Variants in LY75 observed in about 807,000 individuals in gnomAD.
LY75 encodes lymphocyte antigen 75.
LY75 carries 185 observed loss-of-function variants against 231.7 expected under a neutral mutation model. The ratio of observed to expected loss-of-function variants is 0.80; its 90% confidence interval spans 0.71 to 0.90. The LOEUF (loss-of-function observed/expected upper bound fraction) is 0.90, where lower values mean the gene tolerates loss of function less well. Ranked by LOEUF, LY75 falls within the 40% of genes least tolerant of loss-of-function variation. LY75 has a pLI of 0.00. For missense variants in LY75, 1,947 were observed against 2,050.2 expected, an observed-to-expected ratio of 0.95 and a Z score of 0.97; for synonymous variants, 668 against 689.0, an observed-to-expected ratio of 0.97 and a Z score of 0.48.
intron 1 of LY75, chr2:159,903,232 T>C (rs1686132929): frequency 2.0e-5 from 3 of 152,088 alleles, no homozygotes; most frequent in East Asian, 1.9e-4. Flanking sequence ...ATTGCAGAGA[T>C]TGCAAGAATT....
At chr2:159,863,645 T>C (rs1011812417) in intron 14 of LY75, among the ~76,000 whole-genome samples, 1 of 152,172 alleles carries the variant, frequency 6.6e-6, no homozygotes, top group Non-Finnish European at 1.5e-5. Flanking sequence ...AAAATCAGAT[T>C]GTTTTCTTGC....
chr2:159,856,788 AT>A (rs1684560224), intron 16 of LY75, among the ~76,000 whole-genome samples: 1 of 151,910 alleles, frequency 6.6e-6, no homozygotes, highest in South Asian at 2.1e-4. Context: ...GTTAAAAAAT[AT>A]ATATTAAAAA....
intron 28 of LY75, among the ~76,000 whole-genome samples, chr2:159,822,059 C>T (rs1683310833): frequency 2.0e-5 from 3 of 152,234 alleles, no homozygotes; most frequent in African/African-American, 7.2e-5. Flanking sequence ...CCCTCTGGTG[C>T]CTACCCCACC....
At chr2:159,864,953 CA>C in intron 13 of LY75, 33 bp from the exon 14 acceptor site, 1 of 1,562,754 alleles carries the variant, frequency 6.4e-7, no homozygotes, top group South Asian at 1.2e-5. Context: ...AAATACAGGA[CA>C]ATGCTTGGCA....
At chr2:159,852,371 T>C (rs1684425872) in intron 20 of LY75, 31 bp from the exon 21 acceptor site, 2 of 1,588,962 alleles carry the variant, frequency 1.3e-6, no homozygotes, top group Admixed American at 1.8e-5. Context: ...ATTACTATGG[T>C]GAGAATTTTT....
At chr2:159,830,447 A>G (rs1194499749) in intron 28 of LY75, among the ~76,000 whole-genome samples, 1 of 152,170 alleles carries the variant, frequency 6.6e-6, no homozygotes, top group Non-Finnish European at 1.5e-5. Flanking sequence ...GCTCAGAAGC[A>G]TTTAGAAACA....
intron 1 of LY75, among the ~76,000 whole-genome samples, chr2:159,904,009 C>T (rs1251351745): frequency 2.0e-5 from 3 of 152,188 alleles, no homozygotes; most frequent in Admixed American, 6.5e-5. Flanking sequence ...TTGCTCTAGG[C>T]GGTGGGTGAG....
intron 28 of LY75, among the ~76,000 whole-genome samples, chr2:159,830,461 C>G (rs906884875): frequency 6.6e-6 from 1 of 152,002 alleles, no homozygotes; most frequent in Admixed American, 6.6e-5. Flanking sequence ...AGAAACAAGA[C>G]CTTGTTTCCT....
chr2:159,866,198 C>T (rs1228421560), intron 13 of LY75, among the ~76,000 whole-genome samples: 1 of 151,960 alleles, frequency 6.6e-6, no homozygotes, highest in Non-Finnish European at 1.5e-5. Flanking sequence ...GAACATATAG[C>T]TACAAGTCTA....
intron 30 of LY75, 62 bp from the exon 31 acceptor site, chr2:159,815,635 G>T (rs903563821): frequency 7.1e-6 from 11 of 1,545,504 alleles, no homozygotes; most frequent in Non-Finnish European, 9.6e-6. Context: ...AGAATACAAA[G>T]AACAACATAC....
chr2:159,804,126 GA>G lies in LY75; in HGVS notation c.*917del, dbSNP rs569089534. 6.6e-5 allele frequency: 10 copies of G among 152,136 alleles called. No individual in the cohort carries two copies. Among genetic ancestry groups the G allele is most frequent in the East Asian group, 1.9e-4 (1 of 5,178 alleles). The allele number at this position is 152,136 out of a possible 1,614,324, so 9.4% of individuals were successfully genotyped here. A position where few individuals can be genotyped will look rare whatever the true frequency, so the allele number is the denominator to read the frequency against. ...ATTGTTTTATAAACAATTATAAACA[GA>G]AAAAAACTCTTCATATTTACATAAT... On this transcript the variant is annotated 3_prime_UTR_variant, in exon 35 of 35. Coordinates refer to ENST00000263636, the MANE Select transcript of LY75 (RefSeq NM_002349.4).
In LY75 at chr2:159,807,109, T is replaced by C; in HGVS notation, c.4854A>G (p.Glu1618=). 6.2e-7 allele frequency: 1 copy of C among 1,613,804 alleles called. No individual in the cohort carries two copies. The highest frequency in any genetic ancestry group is 1.1e-5 in the South Asian group (1 of 91,018). ...TATTTTCCCATTTGACAAATGTCAC[T>C]TCTGATCCATCTAACCAACTCCAAG... ...DQSWSWLDGS[E]VTFVKWENKS... is the part of the protein sequence containing the mutation. The change falls in exon 34 of 35, where the codon GAA becomes GAG. Residue 1618 remains glutamate, a synonymous_variant. Transcript: ENST00000263636.
At chr2:159,881,542 T>G (rs1282333493) in intron 7 of LY75, among the ~76,000 whole-genome samples, 1 of 152,144 alleles carries the variant, frequency 6.6e-6, no homozygotes, top group Non-Finnish European at 1.5e-5. Context: ...ATATCCCAAT[T>G]TGAATAGAAA....
rs199956054 is a variant in LY75 at position 159,881,146 on chromosome 2, C to A, written c.1341G>T (p.Trp447Cys). Residue 447 changes from tryptophan (W) to cysteine (C), a missense_variant, in exon 8 of 35, where the codon TGG becomes TGT. Trp to Cys is a radical substitution (Grantham distance 215, BLOSUM62 -2). Coordinates refer to ENST00000263636, the MANE Select transcript of LY75 (RefSeq NM_002349.4). ...SDGTEVTLTY[W>C]DENEPNVPYN... is the part of the protein sequence containing the mutation. ...AGGGAACATTTGGCTCATTCTCATC[C>A]CAATATGTTAGAGTAACTTCAGTAC... 1 of 1,613,810 alleles carries A rather than the reference C, an allele frequency of 6.2e-7. No individual in the cohort carries two copies. Among genetic ancestry groups the A allele is most frequent in the African/African-American group, 1.3e-5 (1 of 74,974 alleles).
In LY75 at chr2:159,884,638, T is replaced by C. The variant is rs764860387; in HGVS notation, c.1054+515A>G. Among the ~76,000 whole-genome samples, 44 of 152,180 alleles carry C rather than the reference T, an allele frequency of 2.9e-4. 1 individual carries two copies. Among genetic ancestry groups the C allele is most frequent in the Non-Finnish European group, 4.6e-4 (31 of 68,010 alleles). ...AAGCCTGGGCTTACTCCTGTGTCTATAGGTTTTGCCTCATTACGGAGGCAT... is the reference window on the plus strand; with the variant it reads ...AAGCCTGGGCTTACTCCTGTGTCTACAGGTTTTGCCTCATTACGGAGGCAT... On this transcript the variant is annotated intron_variant, in intron 6 of 34. Transcript: ENST00000263636.
intron 12 of LY75, among the ~76,000 whole-genome samples, 196 bp downstream of exon 12, chr2:159,875,248 T>C (rs1238748937): frequency 6.6e-6 from 1 of 151,750 alleles, no homozygotes; most frequent in Non-Finnish European, 1.5e-5. Flanking sequence ...CCCTTTCAGG[T>C]AGGACACGTG....
chr2:159,877,254 T>C (rs1685305121), intron 11 of LY75, among the ~76,000 whole-genome samples: 1 of 152,164 alleles, frequency 6.6e-6, no homozygotes, highest in Admixed American at 6.5e-5. Flanking sequence ...TGTAAGCTCA[T>C]ATTTTCCAAT....
In LY75 at chr2:159,843,490, A is replaced by ATT. The variant is rs5835770; in HGVS notation, c.3151-1118_3151-1117dup. On this transcript the variant is annotated intron_variant, in intron 23 of 34. Transcript: ENST00000263636. ...AGGAAATGGAAAATTAATAATGGCC[A>ATT]TTTTTTTTTTTTTACTGTCTGTCAG... Among the ~76,000 whole-genome samples, 327 of 148,850 alleles carry ATT rather than the reference A, an allele frequency of 2.2e-3. No individual in the cohort carries two copies. In the Middle Eastern group the frequency reaches 0.042, roughly 19 times the overall value.
chr2:159,856,967 C>G (rs1289915623), intron 16 of LY75, among the ~76,000 whole-genome samples: 1 of 152,126 alleles, frequency 6.6e-6, no homozygotes, highest in Non-Finnish European at 1.5e-5. Context: ...ATGACACTGT[C>G]TGTGGAATGC....
Sources: gnomAD v4.1 joint callset for allele counts (sites outside exome capture counted in the v4.1 genomes callset) on GRCh38, gnomAD v4.1.1 for gene constraint, MANE v1.5 for transcripts, NCBI Gene and HGNC (gene_info 2026-07-23, HGNC 2026-07-21) for gene names.